Variants in PPP2R2B observed in about 807,000 individuals in gnomAD.
The protein encoded by PPP2R2B is serine/threonine-protein phosphatase 2A 55 kDa regulatory subunit B beta isoform.
PPP2R2B carries 5 observed loss-of-function variants against 46.0 expected under a neutral mutation model. That is an observed-to-expected ratio of 0.11 (90% CI 0.06 to 0.23). The LOEUF (loss-of-function observed/expected upper bound fraction) is 0.23. Among genes scored for constraint, PPP2R2B ranks in the 10% least tolerant of loss-of-function variants. The pLI, the probability that PPP2R2B is intolerant of heterozygous loss-of-function variation, is 1.00. For synonymous variants in PPP2R2B, 215 were observed against 206.7 expected, an observed-to-expected ratio of 1.04 and a Z score of -0.34; for missense variants, 367 against 575.0, an observed-to-expected ratio of 0.64 and a Z score of 3.70.
Position 146,680,967 on chromosome 5 carries a change from C to T in PPP2R2B, c.447+10161G>A, listed in dbSNP as rs557680641. Among the ~76,000 whole-genome samples, 8 of 152,228 alleles carry T rather than the reference C, an allele frequency of 5.3e-5. No homozygotes were observed. The South Asian group carries it at 1.2e-3, about 24-fold the overall frequency. On this transcript the variant is annotated intron_variant, in intron 5 of 9. Coordinates refer to ENST00000394411, the MANE Select transcript of PPP2R2B (RefSeq NM_181675.4). ...CTCCAACCAAGATCTTGTTTTTATG[C>T]GTCAAAGACAAGATAGTATCTTGCT...
At chr5:146,710,736 G>A (rs1388401602) in intron 2 of PPP2R2B, among the ~76,000 whole-genome samples, 8 of 152,348 alleles carry the variant, frequency 5.3e-5, no homozygotes. Context: ...CACAACATGG[G>A]ACATCTATGG....
chr5:146,944,258 T>C (rs1187726537), intron 1 of PPP2R2B, among the ~76,000 whole-genome samples: 1 of 152,068 alleles, frequency 6.6e-6, no homozygotes, highest in African/African-American at 2.4e-5. Context: ...ACCATGGCAA[T>C]TGTGTCTCCA....
intron 2 of PPP2R2B, among the ~76,000 whole-genome samples, chr5:146,742,475 T>C (rs1752936736): frequency 6.6e-6 from 1 of 152,216 alleles, no homozygotes; most frequent in African/African-American, 2.4e-5. Flanking sequence ...TGTCCAACAG[T>C]TCATTATTAC....
intron 1 of PPP2R2B, among the ~76,000 whole-genome samples, chr5:146,902,967 T>G (rs969702777): frequency 6.6e-6 from 1 of 152,246 alleles, no homozygotes; most frequent in African/African-American, 2.4e-5. Context: ...AGATGTTATT[T>G]GCTTTTGTAA....
intron 6 of PPP2R2B, among the ~76,000 whole-genome samples, chr5:146,638,889 T>C (rs1179532989): frequency 6.6e-6 from 1 of 152,202 alleles, no homozygotes; most frequent in African/African-American, 2.4e-5. Flanking sequence ...TTTCATGAAA[T>C]CCCTAAGCCC....
intron 7 of PPP2R2B, among the ~76,000 whole-genome samples, chr5:146,610,159 C>T (rs1349761153): frequency 2.3e-5 from 1 of 44,256 alleles, no homozygotes; most frequent in African/African-American, 1.4e-4. Flanking sequence ...TGAGAACGGG[C>T]AGACTGCCTC....
At chr5:146,625,767 G>T (rs1380871443) in intron 7 of PPP2R2B, among the ~76,000 whole-genome samples, 7 of 152,202 alleles carry the variant, frequency 4.6e-5, no homozygotes, top group Admixed American at 2.6e-4. Context: ...ATGGAATAAA[G>T]ATTGTGGATA....
exon 1 of PPP2R2B, chr5:147,055,808 G>A (rs187512843): frequency 1.6e-5 from 24 of 1,545,192 alleles, no homozygotes; most frequent in East Asian, 2.4e-5. Flanking sequence ...GGATTCTCTC[G>A]GCCTTTTAAG....
At chr5:146,831,048 T>C (rs957807254) in intron 2 of PPP2R2B, among the ~76,000 whole-genome samples, 15 of 152,150 alleles carry the variant, frequency 9.9e-5, no homozygotes, top group Non-Finnish European at 1.9e-4. Context: ...CTGCTGTCAG[T>C]TGTATAAAAG....
At chr5:146,780,859 C>A (rs1755466357) in intron 2 of PPP2R2B, among the ~76,000 whole-genome samples, 1 of 152,044 alleles carries the variant, frequency 6.6e-6, no homozygotes, top group East Asian at 1.9e-4. Flanking sequence ...CACTCAGTCA[C>A]TCATTTGTAT....
intron 1 of PPP2R2B, among the ~76,000 whole-genome samples, chr5:146,985,401 A>C (rs1461890399): frequency 3.3e-5 from 5 of 152,136 alleles, no homozygotes; most frequent in African/African-American, 7.2e-5. Flanking sequence ...GAAGCTTTTT[A>C]AGTCTAATAT....
Position 147,024,059 on chromosome 5 carries a change from C to T in PPP2R2B, c.79+31606G>A, listed in dbSNP as rs2151886976. 2.6e-5 allele frequency among the ~76,000 whole-genome samples: 4 copies of T among 152,330 alleles called. No individual in the cohort carries two copies. The South Asian group carries it at 8.3e-4, about 32-fold the overall frequency. ...TTTGGGCCCAGACTGAGTTACACTACTGGCTTTCTTTATTCTCCAAATTGC... is the reference window on the plus strand; with the variant it reads ...TTTGGGCCCAGACTGAGTTACACTATTGGCTTTCTTTATTCTCCAAATTGC... On this transcript the variant is annotated intron_variant, in intron 1 of 8. Coordinates refer to the PPP2R2B transcript ENST00000336640.
chr5:146,644,361 A>G lies in PPP2R2B; in HGVS notation c.626-5946T>C, dbSNP rs1775440727. Among the ~76,000 whole-genome samples, 6 of 151,952 alleles carry G rather than the reference A, an allele frequency of 3.9e-5. No homozygotes were observed. The South Asian group carries it at 1.2e-3, about 32-fold the overall frequency. ...TTTCCCCCTGAACCCACATTGTTGA[A>G]TTAGCTAGCATTAAGTTAAAACTGT... On this transcript the variant is annotated intron_variant, in intron 6 of 9. Transcript: ENST00000394411.
chr5:146,753,733 C>T (rs760663714), intron 2 of PPP2R2B, among the ~76,000 whole-genome samples: 23 of 152,164 alleles, frequency 1.5e-4, no homozygotes, highest in Middle Eastern at 3.4e-3. Context: ...AGCCAGAGTC[C>T]GGGAATAGCT....
intron 2 of PPP2R2B, among the ~76,000 whole-genome samples, chr5:146,715,459 AGGCAC>A (rs1377592694): frequency 6.6e-6 from 1 of 152,192 alleles, no homozygotes; most frequent in Non-Finnish European, 1.5e-5. Context: ...ACTGCAAGCC[AGGCAC>A]GGCGTTCGAC....
rs768717032 is a variant in PPP2R2B, at chr5:146,590,266, G to GTCTT, written c.1053-44_1053-41dup. On this transcript the variant is annotated intron_variant, in intron 9 of 9. Transcript: ENST00000394411. ...GCAAAGGCAATGACATATCTTCACTGTCTTTTCTTTTTGGAGCAAATGATA... is the reference window on the plus strand; with the variant it reads ...GCAAAGGCAATGACATATCTTCACTGTCTTTCTTTTCTTTTTGGAGCAAATGATA... 20 of 1,595,230 alleles carry GTCTT rather than the reference G, an allele frequency of 1.3e-5. No individual in the cohort carries two copies. The South Asian group carries it at 1.6e-4, about 13-fold the overall frequency.
intron 1 of PPP2R2B, among the ~76,000 whole-genome samples, chr5:146,999,471 G>T (rs570110608): frequency 7.9e-5 from 12 of 152,252 alleles, no homozygotes; most frequent in Admixed American, 1.3e-4. Context: ...TATCCCCAGA[G>T]ATTCTGATTT....
chr5:147,055,807 C>A, exon 1 of PPP2R2B: 2 of 1,546,382 alleles, frequency 1.3e-6, no homozygotes, highest in South Asian at 2.4e-5. Flanking sequence ...AGGATTCTCT[C>A]GGCCTTTTAA....
intron 8 of PPP2R2B, among the ~76,000 whole-genome samples, chr5:146,598,165 C>G (rs1181579093): frequency 6.6e-6 from 1 of 152,238 alleles, no homozygotes; most frequent in Non-Finnish European, 1.5e-5. Context: ...ATTCACACTG[C>G]TCTACTGCTG....
Sources: allele counts gnomAD v4.1 joint callset (sites outside exome capture counted in the v4.1 genomes callset), GRCh38; gene constraint gnomAD v4.1.1; transcripts MANE v1.5; gene names NCBI Gene and HGNC (gene_info 2026-07-23, HGNC 2026-07-21).